RIGI: variants seen among roughly 807,000 people sequenced by gnomAD.
The protein encoded by RIGI is RNA sensor RIG-I.
chr9:32,466,992 T>C, the RIGI span, among the ~76,000 whole-genome samples: 1 of 152,162 alleles, frequency 6.6e-6, no homozygotes, highest in African/African-American at 2.4e-5. Flanking sequence ...TTTTAAGTGC[T>C]ATTACAAAGA....
chr9:32,479,694 G>A, the RIGI span, among the ~76,000 whole-genome samples: 6 of 151,840 alleles, frequency 4.0e-5, no homozygotes, highest in African/African-American at 9.7e-5. Context: ...AAAATTAGCC[G>A]GGTGTGGTGG....
chr9:32,486,384 T>C, the RIGI span, among the ~76,000 whole-genome samples: 6 of 134,632 alleles, frequency 4.5e-5, no homozygotes, highest in Admixed American at 5.0e-4. Flanking sequence ...ACCCAGGAGG[T>C]GGAGGTTTGC....
chr9:32,488,909 A>G, the RIGI span: 4,773 of 1,582,356 alleles, frequency 3.0e-3, 100 homozygotes, highest in African/African-American at 0.052. Flanking sequence ...TAAGGAAAAA[A>G]GAAAACATGT....
the RIGI span, chr9:32,498,314 G>A: frequency 2.2e-6 from 1 of 456,680 alleles, no homozygotes; most frequent in South Asian, 1.5e-5. Context: ...AAGCTCACCT[G>A]CCCAGGTGCA....
chr9:32,471,909 T>A, the RIGI span, among the ~76,000 whole-genome samples: 1 of 151,910 alleles, frequency 6.6e-6, no homozygotes, highest in Non-Finnish European at 1.5e-5. Flanking sequence ...AAAAATGACA[T>A]GAAGGGAAAG....
At chr9:32,483,616 C>A in the RIGI span, among the ~76,000 whole-genome samples, 13 of 152,226 alleles carry the variant, frequency 8.5e-5, no homozygotes, top group African/African-American at 2.9e-4. Context: ...CCCTCTAACC[C>A]ATACTCTACC....
the RIGI span, chr9:32,489,353 C>T: frequency 3.7e-6 from 6 of 1,609,492 alleles, no homozygotes; most frequent in Non-Finnish European, 5.1e-6. Context: ...CCTGTAGGAG[C>T]ACATATTATT....
At chr9:32,500,090 G>GC in the RIGI span, among the ~76,000 whole-genome samples, 2 of 152,126 alleles carry the variant, frequency 1.3e-5, no homozygotes, top group African/African-American at 4.8e-5. Flanking sequence ...GTTTGTCAAT[G>GC]CCAAAACCAA....
the RIGI span, among the ~76,000 whole-genome samples, chr9:32,512,376 A>C: frequency 6.6e-6 from 1 of 152,242 alleles, no homozygotes; most frequent in African/African-American, 2.4e-5. Flanking sequence ...CACCATAATC[A>C]GGTCTGCTTC....
chr9:32,480,079 A>T, the RIGI span: 1 of 829,594 alleles, frequency 1.2e-6, no homozygotes, highest in Non-Finnish European at 1.8e-6. Context: ...AAATAGTCCT[A>T]CCATCTCCAT....
the RIGI span, among the ~76,000 whole-genome samples, chr9:32,463,888 T>TTTTTTTTTTTTTTTTTTTTATTATA: frequency 6.9e-5 from 2 of 28,938 alleles, 1 homozygote; most frequent in South Asian, 3.7e-3. Flanking sequence ...CATTCTGATT[T>TTTTTTTTTTTTTTTTTTTTATTATA]CAAATAAACC....
chr9:32,472,041 G>A, the RIGI span, among the ~76,000 whole-genome samples: 3 of 152,094 alleles, frequency 2.0e-5, no homozygotes, highest in African/African-American at 7.2e-5. Flanking sequence ...GCTGTGAGGT[G>A]GTCAGGATGA....
At chr9:32,500,777 G>A in the RIGI span, 1 of 1,602,950 alleles carries the variant, frequency 6.2e-7, no homozygotes, top group Non-Finnish European at 8.5e-7. Context: ...AATATCCTCT[G>A]ATTTGTGATT....
At chr9:32,513,933 T>C in the RIGI span, among the ~76,000 whole-genome samples, 1 of 152,234 alleles carries the variant, frequency 6.6e-6, no homozygotes, top group Non-Finnish European at 1.5e-5. Flanking sequence ...CAGACATTTC[T>C]CAAATGAAGA....
the RIGI span, among the ~76,000 whole-genome samples, chr9:32,473,975 C>T: frequency 6.6e-6 from 1 of 152,142 alleles, no homozygotes; most frequent in Admixed American, 6.5e-5. Flanking sequence ...TTGCAGTGAG[C>T]CGAGGTTGTG....
At chr9:32,521,952 C>T in the RIGI span, among the ~76,000 whole-genome samples, 4 of 152,216 alleles carry the variant, frequency 2.6e-5, no homozygotes, top group South Asian at 8.3e-4. Flanking sequence ...GACTTATAAT[C>T]AGATATAGTC....
chr9:32,476,098 T>A, the RIGI span, among the ~76,000 whole-genome samples: 1 of 151,920 alleles, frequency 6.6e-6, no homozygotes, highest in Admixed American at 6.6e-5. Context: ...ATTAGTGAAA[T>A]GAAAATTAAA....
At chr9:32,461,089 C>A in the RIGI span, among the ~76,000 whole-genome samples, 1 of 150,488 alleles carries the variant, frequency 6.6e-6, no homozygotes, top group Non-Finnish European at 1.5e-5. Flanking sequence ...GGAAATCAGT[C>A]TGAATAACAG....
the RIGI span, among the ~76,000 whole-genome samples, chr9:32,508,399 C>T: frequency 1.3e-5 from 2 of 151,820 alleles, no homozygotes; most frequent in African/African-American, 4.8e-5. Flanking sequence ...CAGAGGTACC[C>T]GGTTCACCTC....
Sources: gnomAD v4.1 joint callset for allele counts (sites outside exome capture counted in the v4.1 genomes callset) on GRCh38, gnomAD v4.1.1 for gene constraint, MANE v1.5 for transcripts, NCBI Gene and HGNC (gene_info 2026-07-23, HGNC 2026-07-21) for gene names.